Variants in NCKAP5 observed in about 807,000 individuals in gnomAD.
The protein encoded by NCKAP5 is NCK associated protein 5.
NCKAP5 carries 92 observed loss-of-function variants against 167.0 expected under a neutral mutation model. That is an observed-to-expected ratio of 0.55 (90% CI 0.47 to 0.66). NCKAP5 has a LOEUF of 0.66. Among genes scored for constraint, NCKAP5 ranks in the 30% least tolerant of loss-of-function variants. The pLI is 0.00. For synonymous variants in NCKAP5, 891 were observed against 877.4 expected (o/e 1.02, Z -0.27); for missense variants, 2,378 against 2,315.0 (o/e 1.03, Z -0.56).
intron 4 of NCKAP5, among the ~76,000 whole-genome samples, chr2:133,228,423 T>C (rs1398393835): frequency 6.6e-6 from 1 of 152,210 alleles, no homozygotes; most frequent in Non-Finnish European, 1.5e-5. Context: ...CTTACTAACA[T>C]TGAGCCTACA....
At chr2:133,195,093 A>G (rs1170221884) in intron 5 of NCKAP5, among the ~76,000 whole-genome samples, 1 of 152,048 alleles carries the variant, frequency 6.6e-6, no homozygotes, top group Non-Finnish European at 1.5e-5. Flanking sequence ...CCAAAGGTTC[A>G]TCTCAGAAGC....
intron 12 of NCKAP5, among the ~76,000 whole-genome samples, chr2:132,793,388 A>G (rs7589873): frequency 0.64 from 96,920 of 152,136 alleles, 32,112 homozygotes; most frequent in East Asian, 0.88. Flanking sequence ...GCAGGGGCAA[A>G]GATGGTTAAG....
intron 11 of NCKAP5, among the ~76,000 whole-genome samples, chr2:132,834,964 CT>C (rs1296786015): frequency 6.6e-6 from 1 of 152,070 alleles, no homozygotes; most frequent in Non-Finnish European, 1.5e-5. Context: ...TGTATATGGC[CT>C]TTATTATGTT....
chr2:133,202,603 C>A (rs561967616), intron 5 of NCKAP5, among the ~76,000 whole-genome samples: 6 of 152,100 alleles, frequency 3.9e-5, no homozygotes, highest in African/African-American at 1.4e-4. Context: ...AACAGGCAAC[C>A]TGCAGAATGG....
intron 3 of NCKAP5, among the ~76,000 whole-genome samples, chr2:133,496,494 T>A (rs2151373976): frequency 6.6e-6 from 1 of 152,304 alleles, no homozygotes; most frequent in African/African-American, 2.4e-5. Context: ...TCATAAAACT[T>A]AGGACTGTAC....
intron 6 of NCKAP5, among the ~76,000 whole-genome samples, chr2:132,999,112 A>G (rs1268631009): frequency 8.0e-6 from 1 of 125,034 alleles, no homozygotes; most frequent in African/African-American, 2.6e-5. Context: ...AGAGGAAACA[A>G]ACTAAATACA....
At chr2:132,774,350 A>C (rs1001547450) in intron 15 of NCKAP5, among the ~76,000 whole-genome samples, 5 of 152,238 alleles carry the variant, frequency 3.3e-5, no homozygotes, top group African/African-American at 1.2e-4. Context: ...AAATATACTT[A>C]GGTCTGCTGG....
At chr2:133,426,406 A>G (rs1242469826) in intron 3 of NCKAP5, among the ~76,000 whole-genome samples, 1 of 151,904 alleles carries the variant, frequency 6.6e-6, no homozygotes, top group Non-Finnish European at 1.5e-5. Context: ...ATAGAAAATA[A>G]ATGCATTACA....
intron 5 of NCKAP5, among the ~76,000 whole-genome samples, chr2:133,193,302 A>G (rs764791787): frequency 1.5e-4 from 23 of 151,636 alleles, no homozygotes; most frequent in African/African-American, 4.4e-4. Flanking sequence ...TAAGGGATCC[A>G]TGTGGTGGTA....
intron 8 of NCKAP5, among the ~76,000 whole-genome samples, chr2:132,962,087 T>C (rs2076529935): frequency 1.3e-5 from 2 of 152,192 alleles, no homozygotes; most frequent in African/African-American, 4.8e-5. Flanking sequence ...TTTGTTCTGC[T>C]CTGTGTTTGA....
chr2:132,707,429 G>A (rs2105293644), intron 19 of NCKAP5, among the ~76,000 whole-genome samples: 1 of 152,196 alleles, frequency 6.6e-6, no homozygotes, highest in East Asian at 1.9e-4. Context: ...AAGGCAGTCT[G>A]GGCCTCAAGG....
intron 6 of NCKAP5, among the ~76,000 whole-genome samples, chr2:133,013,065 C>A (rs2078217681): frequency 6.6e-6 from 1 of 152,184 alleles, no homozygotes; most frequent in Admixed American, 6.5e-5. Flanking sequence ...AGCCTGGGAA[C>A]TGCATTTTCT....
intron 9 of NCKAP5, among the ~76,000 whole-genome samples, chr2:132,872,114 T>C (rs1665150079): frequency 6.6e-6 from 1 of 152,224 alleles, no homozygotes; most frequent in Non-Finnish European, 1.5e-5. Flanking sequence ...GCAGCTGTGC[T>C]AGGCTGCAAG....
intron 7 of NCKAP5, among the ~76,000 whole-genome samples, chr2:132,991,385 G>A (rs1320787384): frequency 2.0e-5 from 3 of 152,288 alleles, no homozygotes; most frequent in East Asian, 1.9e-4. Flanking sequence ...GGTCAGGAAT[G>A]GCAAAGCTGG....
At position 133,084,655 on chromosome 2, in the gene NCKAP5, G is replaced by A. The variant is rs556377648; in HGVS notation, c.341+45323C>T. On this transcript the variant is annotated intron_variant, in intron 6 of 19. Coordinates refer to ENST00000409261, the MANE Select transcript of NCKAP5 (RefSeq NM_207363.3). ...TCTGAGCTTTGGTTCCAAAAGTTCA[G>A]TCTCACCTCTGCCTTTCAACTGAAA... is the stretch of plus-strand genomic sequence containing the variant. Among the ~76,000 whole-genome samples, 7 of 152,272 alleles carry A rather than the reference G, an allele frequency of 4.6e-5. No homozygotes were observed. In the South Asian group the frequency reaches 1.4e-3, roughly 32 times the overall value.
chr2:133,168,550 T>C (rs1333867626), intron 5 of NCKAP5, among the ~76,000 whole-genome samples: 2 of 152,066 alleles, frequency 1.3e-5, no homozygotes, highest in Admixed American at 1.3e-4. Context: ...CCCTTCCGCT[T>C]TGCCTGCTTG....
At chr2:132,874,201 C>T (rs555167043) in intron 9 of NCKAP5, among the ~76,000 whole-genome samples, 145 of 150,280 alleles carry the variant, frequency 9.6e-4, no homozygotes, top group Non-Finnish European at 1.8e-3. Context: ...CTTCACCTCC[C>T]GAGTTCAAGT....
chr2:133,087,703 T>C (rs888973876), intron 6 of NCKAP5, among the ~76,000 whole-genome samples: 1 of 152,186 alleles, frequency 6.6e-6, no homozygotes, highest in Admixed American at 6.5e-5. Flanking sequence ...ACCATACAAC[T>C]GGAACTAATC....
chr2:132,784,858 G>T lies in NCKAP5; in HGVS notation c.1953C>A (p.Phe651Leu), dbSNP rs748187602. 3.2e-6 allele frequency: 5 copies of T among 1,561,780 alleles called. No homozygotes were observed. Among genetic ancestry groups the T allele is most frequent in the Non-Finnish European group, 4.3e-6 (5 of 1,154,620 alleles). Residue 651 changes from phenylalanine to leucine, a missense_variant, in exon 14 of 20, where the codon TTC (phenylalanine) becomes TTA (leucine). Around this residue, in one of 3 missense-constraint regions of NCKAP5, gnomAD observed 1,049 missense variants for 1,023.4 expected, o/e 1.02. Coordinates refer to ENST00000409261, the MANE Select transcript of NCKAP5 (RefSeq NM_207363.3). The part of the protein sequence containing the change: ...PSETRPKTFS[F>L]IKQQRVVKRT... ...TTTTTACAACTCTTTGCTGCTTAAT[G>T]AAACTAAAAGTCTTTGGCCTAGTCT...
Sources: allele counts gnomAD v4.1 joint callset (sites outside exome capture counted in the v4.1 genomes callset), GRCh38; gene constraint gnomAD v4.1.1; regional missense constraint gnomAD v4.1.1; transcripts MANE v1.5; gene names NCBI Gene and HGNC (gene_info 2026-07-23, HGNC 2026-07-21).